Variants in CEMIP observed in about 807,000 individuals in gnomAD.
The protein encoded by CEMIP is cell migration inducing hyaluronidase 1.
In CEMIP, 105 loss-of-function variants were observed where a neutral mutation model predicts 156.9. The ratio of observed to expected loss-of-function variants is 0.67; its 90% CI spans 0.57 to 0.79. CEMIP has a LOEUF of 0.79. CEMIP is among the 30% of genes least tolerant of loss of function. The probability of loss-of-function intolerance (pLI) is 0.00; values close to 1 mark genes in which losing one functional copy is unlikely to be tolerated. For missense variants in CEMIP, 1,457 were observed against 1,769.4 expected, an observed-to-expected ratio of 0.82 and a Z score of 3.17; for synonymous variants, 676 against 668.4, an observed-to-expected ratio of 1.01 and a Z score of -0.17.
At chr15:80,912,577 T>C (rs9744717) in intron 14 of CEMIP, among the ~76,000 whole-genome samples, 10,334 of 152,148 alleles carry the variant, frequency 0.068, 1,153 homozygotes, top group African/African-American at 0.24. Flanking sequence ...TGGCTTAGAA[T>C]CTAGATGAAG....
At chr15:80,848,936 C>T (rs1381189205) in intron 1 of CEMIP, among the ~76,000 whole-genome samples, 1 of 37,236 alleles carries the variant, frequency 2.7e-5, no homozygotes, top group Non-Finnish European at 5.3e-5. Flanking sequence ...ACCCTGGCTT[C>T]AGGGATCTCT....
intron 1 of CEMIP, among the ~76,000 whole-genome samples, chr15:80,798,389 TTA>T (rs1250206825): frequency 4.6e-5 from 7 of 152,164 alleles, no homozygotes; most frequent in South Asian, 2.1e-4. Context: ...AATGACCGTT[TTA>T]TATGTTTTTT....
At chr15:80,788,226 T>TGTGA (rs1286410544) in intron 1 of CEMIP, among the ~76,000 whole-genome samples, 1 of 152,052 alleles carries the variant, frequency 6.6e-6, no homozygotes, top group African/African-American at 2.4e-5. Context: ...ATCCCAGCAC[T>TGTGA]TTGAGAGGCT....
At chr15:80,807,402 T>C (rs1896540367) in intron 1 of CEMIP, among the ~76,000 whole-genome samples, 1 of 152,140 alleles carries the variant, frequency 6.6e-6, no homozygotes, top group Admixed American at 6.5e-5. Context: ...GCTAATTAAT[T>C]TGTATAGAAA....
rs944298862 is a variant in CEMIP at position 80,857,527 on chromosome 15, G to A, written c.-175-16011G>A. Among the ~76,000 whole-genome samples, 6 of 152,200 alleles carry A rather than the reference G, an allele frequency of 3.9e-5. No homozygotes were observed. In the East Asian group the frequency reaches 7.7e-4, roughly 20 times the overall value. ...AGCCAGCAGTTCTGACTCCTTTCAC[G>A]GTGGGGAAGGATGAGGGCAGAAGGT... On this transcript the variant is annotated intron_variant, in intron 1 of 29. Coordinates refer to ENST00000394685, the MANE Select transcript of CEMIP (RefSeq NM_001293298.2).
chr15:80,841,464 C>T (rs999255297), intron 1 of CEMIP, among the ~76,000 whole-genome samples: 14 of 152,204 alleles, frequency 9.2e-5, no homozygotes, highest in African/African-American at 2.9e-4. Context: ...GGCACTGCTC[C>T]ACTTCTTGGT....
At chr15:80,907,360 C>T (rs542265209) in intron 13 of CEMIP, among the ~76,000 whole-genome samples, 78 of 152,282 alleles carry the variant, frequency 5.1e-4, no homozygotes, top group Non-Finnish European at 7.9e-4. Context: ...GTCAGGAATT[C>T]GAGACCAGCC....
intron 1 of CEMIP, among the ~76,000 whole-genome samples, chr15:80,799,733 A>C (rs192392916): frequency 2.6e-4 from 39 of 152,384 alleles, no homozygotes; most frequent in African/African-American, 8.4e-4. Flanking sequence ...AATATTATTC[A>C]GCCACAAAAA....
intron 1 of CEMIP, among the ~76,000 whole-genome samples, chr15:80,814,142 G>A (rs1431262621): frequency 1.4e-5 from 2 of 145,080 alleles, no homozygotes; most frequent in African/African-American, 5.2e-5. Flanking sequence ...TCCACCTCTC[G>A]GGTTCACGCC....
rs1901185304 is a variant in CEMIP, at chr15:80,937,810, G to A, written c.3238G>A (p.Val1080Met). 6.2e-7 allele frequency: 1 copy of A among 1,614,246 alleles called. No individual in the cohort carries two copies. Among genetic ancestry groups the A allele is most frequent in the South Asian group, 1.1e-5 (1 of 91,090 alleles). Residue 1080 changes from valine (V) to methionine (M), a missense_variant, in exon 25 of 30, where the codon GTG becomes ATG. Coordinates refer to ENST00000394685, the MANE Select transcript of CEMIP (RefSeq NM_001293298.2). ...CAATCCTAGGGGCGACTGGATCCGA[G>A]TGGGGCTCTGCTACCCGCGAGGCAC... ...INFNKGDWIR[V>M]GLCYPRGTTF...
intron 1 of CEMIP, among the ~76,000 whole-genome samples, chr15:80,833,869 C>T (rs1354276288): frequency 1.3e-5 from 2 of 152,034 alleles, no homozygotes; most frequent in African/African-American, 4.8e-5. Context: ...GGGGTTTTGC[C>T]ATGTTGGCCA....
intron 1 of CEMIP, among the ~76,000 whole-genome samples, chr15:80,803,212 G>T (rs941364891): frequency 6.6e-6 from 1 of 152,198 alleles, no homozygotes. Context: ...GAGTTGTACA[G>T]AACCTCCCTT....
At chr15:80,854,347 C>T (rs1305636624) in intron 1 of CEMIP, among the ~76,000 whole-genome samples, 1 of 152,234 alleles carries the variant, frequency 6.6e-6, no homozygotes, top group Non-Finnish European at 1.5e-5. Context: ...TGGCTATAAA[C>T]CAAGCGTGGG....
chr15:80,785,035 C>T (rs1354616109), intron 1 of CEMIP, among the ~76,000 whole-genome samples: 1 of 152,182 alleles, frequency 6.6e-6, no homozygotes, highest in African/African-American at 2.4e-5. Context: ...TATCAGCAGA[C>T]TAAATATCTT....
intron 1 of CEMIP, among the ~76,000 whole-genome samples, chr15:80,792,525 A>G (rs1045697172): frequency 6.6e-6 from 1 of 152,196 alleles, no homozygotes; most frequent in African/African-American, 2.4e-5. Context: ...GGATGATTAT[A>G]TATTATTCTG....
chr15:80,820,639 GTAA>G (rs1016074882), intron 1 of CEMIP, among the ~76,000 whole-genome samples: 4 of 152,208 alleles, frequency 2.6e-5, no homozygotes, highest in Non-Finnish European at 4.4e-5. Flanking sequence ...GTAAAAGGGG[GTAA>G]TAATAGTTAT....
At chr15:80,908,134 G>A (rs1345001962) in intron 13 of CEMIP, among the ~76,000 whole-genome samples, 1 of 152,202 alleles carries the variant, frequency 6.6e-6, no homozygotes, top group Non-Finnish European at 1.5e-5. Flanking sequence ...GGTATAGGGT[G>A]GGGCAGAGGT....
intron 10 of CEMIP, among the ~76,000 whole-genome samples, chr15:80,894,517 C>A (rs2141857039): frequency 6.6e-6 from 1 of 152,282 alleles, no homozygotes; most frequent in Non-Finnish European, 1.5e-5. Flanking sequence ...ATGCTGCACC[C>A]CAGACACAAT....
chr15:80,913,545 T>C (rs1437473989), intron 14 of CEMIP, among the ~76,000 whole-genome samples: 1 of 114,720 alleles, frequency 8.7e-6, no homozygotes, highest in Non-Finnish European at 1.8e-5. Context: ...GGAAATTTTG[T>C]GGGACTCAGT....
Sources: allele counts gnomAD v4.1 joint callset (sites outside exome capture counted in the v4.1 genomes callset), GRCh38; gene constraint gnomAD v4.1.1; transcripts MANE v1.5; gene names NCBI Gene and HGNC (gene_info 2026-07-23, HGNC 2026-07-21).